KCNIP1: variants seen among roughly 807,000 people sequenced by gnomAD.
The protein encoded by KCNIP1 is potassium voltage-gated channel interacting protein 1, also known as A-type potassium channel modulatory protein KCNIP1.
A neutral mutation model predicts 33.0 loss-of-function variants in KCNIP1; 18 were observed. That is an observed-to-expected ratio of 0.55 (90% CI 0.38 to 0.81). KCNIP1 has a LOEUF of 0.81. Ranked by LOEUF, KCNIP1 falls within the 30% of genes least tolerant of loss-of-function variation. The pLI is 0.00. For missense variants in KCNIP1, 238 were observed against 271.6 expected (o/e 0.88, Z 0.87); for synonymous variants, 93 against 98.3 (o/e 0.95, Z 0.32).
intron 1 of KCNIP1, among the ~76,000 whole-genome samples, chr5:170,626,497 G>A (rs1759831626): frequency 6.6e-6 from 1 of 152,232 alleles, no homozygotes; most frequent in African/African-American, 2.4e-5. Context: ...GAAGGAGTAT[G>A]TGCTACTAGG....
intron 1 of KCNIP1, among the ~76,000 whole-genome samples, chr5:170,613,420 T>C (rs528810770): frequency 7.9e-5 from 12 of 152,342 alleles, no homozygotes; most frequent in Non-Finnish European, 1.8e-4. Context: ...CTAATTTATT[T>C]AGCTTCCCAA....
At chr5:170,536,033 G>A (rs1207289379) in intron 1 of KCNIP1, among the ~76,000 whole-genome samples, 4 of 152,108 alleles carry the variant, frequency 2.6e-5, no homozygotes, top group African/African-American at 4.8e-5. Context: ...CCCTTTCTCC[G>A]CCAGAATATC....
intron 1 of KCNIP1, among the ~76,000 whole-genome samples, chr5:170,367,401 G>T (rs1466103173): frequency 8.3e-6 from 1 of 121,064 alleles, no homozygotes; most frequent in Non-Finnish European, 1.7e-5. Context: ...AAGAAAGAAA[G>T]AAAGAAAGAA....
chr5:170,546,815 ATATT>A (rs568870800), intron 1 of KCNIP1, among the ~76,000 whole-genome samples: 288 of 152,276 alleles, frequency 1.9e-3, no homozygotes, highest in Middle Eastern at 3.4e-3. Flanking sequence ...ATATACAGCA[ATATT>A]TAGAGTCACT....
rs538309440 is a variant in KCNIP1, at chr5:170,424,567, G to A, written c.88+70603G>A. Among the ~76,000 whole-genome samples, 526 of 152,188 alleles carry A rather than the reference G, an allele frequency of 3.5e-3. 2 individuals are homozygous for A. Among genetic ancestry groups the A allele is most frequent in the Non-Finnish European group, 5.7e-3 (386 of 68,002 alleles). ...GAAAACTGCAGAATCCTTTCGGCTG[G>A]GGCTAGGGGTGGGGCAGGGTAGATA... On this transcript the variant is annotated intron_variant, in intron 1 of 7. Transcript: ENST00000377360.
intron 1 of KCNIP1, among the ~76,000 whole-genome samples, chr5:170,653,489 T>G (rs1256465811): frequency 1.3e-5 from 2 of 152,150 alleles, no homozygotes; most frequent in Non-Finnish European, 2.9e-5. Flanking sequence ...TGATGTTCTC[T>G]CTGCCCAATC....
intron 1 of KCNIP1, among the ~76,000 whole-genome samples, chr5:170,512,863 C>T (rs2113272514): frequency 6.6e-6 from 1 of 152,302 alleles, no homozygotes; most frequent in Non-Finnish European, 1.5e-5. Context: ...TCCCGGCTAA[C>T]ACGGTGAAAC....
intron 1 of KCNIP1, among the ~76,000 whole-genome samples, chr5:170,702,401 G>A (rs559558165): frequency 2.0e-5 from 3 of 152,186 alleles, no homozygotes; most frequent in Non-Finnish European, 4.4e-5. Flanking sequence ...AAAGCCACAC[G>A]CTCTGTGACT....
At chr5:170,653,929 G>A (rs995098024) in intron 1 of KCNIP1, among the ~76,000 whole-genome samples, 3 of 151,944 alleles carry the variant, frequency 2.0e-5, no homozygotes, top group Non-Finnish European at 4.4e-5. Flanking sequence ...CATTTGAATC[G>A]AGGAGGACAT....
chr5:170,726,030 G>T (rs1378231185), intron 5 of KCNIP1, among the ~76,000 whole-genome samples: 5 of 152,214 alleles, frequency 3.3e-5, no homozygotes, highest in Non-Finnish European at 7.4e-5. Flanking sequence ...TTTTCTTAAG[G>T]AATACATAGG....
At chr5:170,695,196 G>T (rs1261091135) in intron 1 of KCNIP1, among the ~76,000 whole-genome samples, 1 of 152,102 alleles carries the variant, frequency 6.6e-6, no homozygotes. Context: ...CAAGTCTGGT[G>T]GTTTCTCTCT....
intron 1 of KCNIP1, among the ~76,000 whole-genome samples, chr5:170,683,488 C>A (rs1413538152): frequency 6.6e-6 from 1 of 152,174 alleles, no homozygotes; most frequent in Non-Finnish European, 1.5e-5. Flanking sequence ...GTCTTTACCA[C>A]ACATAGGCTC....
At chr5:170,433,537 AAAGT>A (rs1450695235) in intron 1 of KCNIP1, among the ~76,000 whole-genome samples, 1 of 152,190 alleles carries the variant, frequency 6.6e-6, no homozygotes. Context: ...AATGAAACAA[AAAGT>A]AAATCCAAAG....
chr5:170,588,043 A>G (rs1758065816), intron 1 of KCNIP1, among the ~76,000 whole-genome samples: 2 of 152,336 alleles, frequency 1.3e-5, no homozygotes, highest in South Asian at 4.1e-4. Flanking sequence ...AGGACCTGTT[A>G]CTTTGCTCAT....
At chr5:170,488,757 C>T (rs1429096486) in intron 1 of KCNIP1, among the ~76,000 whole-genome samples, 1 of 152,108 alleles carries the variant, frequency 6.6e-6, no homozygotes, top group Non-Finnish European at 1.5e-5. Context: ...TGGGACTCAG[C>T]CAGATGGAAC....
chr5:170,710,747 C>T (rs918665164), intron 1 of KCNIP1, among the ~76,000 whole-genome samples: 5 of 152,276 alleles, frequency 3.3e-5, no homozygotes, highest in African/African-American at 1.2e-4. Flanking sequence ...GAGAGCTCAC[C>T]ATTCCTGGGA....
chr5:170,730,438 C>A (rs1450449784), intron 5 of KCNIP1, among the ~76,000 whole-genome samples: 1 of 152,100 alleles, frequency 6.6e-6, no homozygotes, highest in Non-Finnish European at 1.5e-5. Flanking sequence ...GAAAAGATAG[C>A]AGGATCTTCC....
chr5:170,503,111 C>T (rs183121980), upstream of KCNIP1, among the ~76,000 whole-genome samples: 163 of 152,078 alleles, frequency 1.1e-3, no homozygotes, highest in Non-Finnish European at 2.1e-3. Context: ...GAGAGCAGGC[C>T]GGGTGGGGTG....
chr5:170,612,195 G>C (rs751027923), intron 1 of KCNIP1, among the ~76,000 whole-genome samples: 1 of 152,288 alleles, frequency 6.6e-6, no homozygotes, highest in East Asian at 1.9e-4. Context: ...TTGCACGCAC[G>C]AGGGGCCAGA....
Sources: allele counts gnomAD v4.1 joint callset (sites outside exome capture counted in the v4.1 genomes callset), GRCh38; gene constraint gnomAD v4.1.1; transcripts MANE v1.5; gene names NCBI Gene and HGNC (gene_info 2026-07-23, HGNC 2026-07-21).